Variants in PSD3 observed in about 807,000 individuals in gnomAD.
PSD3 encodes PH and SEC7 domain-containing protein 3.
A neutral mutation model predicts 105.5 loss-of-function variants in PSD3; 49 were observed. The ratio of observed to expected loss-of-function variants is 0.46; its 90% CI spans 0.37 to 0.59. The LOEUF is 0.59. PSD3 is among the 20% of genes least tolerant of loss of function. The probability of loss-of-function intolerance (pLI) is 0.00; values close to 1 mark genes in which losing one functional copy is unlikely to be tolerated. For synonymous variants in PSD3, 557 were observed against 457.8 expected, an observed-to-expected ratio of 1.22 and a Z score of -2.77; for missense variants, 1,561 against 1,263.8, an observed-to-expected ratio of 1.24 and a Z score of -3.57.
intron 9 of PSD3, among the ~76,000 whole-genome samples, chr8:18,725,424 A>C (rs1803279760): frequency 6.6e-6 from 1 of 152,156 alleles, no homozygotes; most frequent in Non-Finnish European, 1.5e-5. Context: ...AAAGTATTCC[A>C]ATCCCACTTT....
At chr8:18,986,693 G>A (rs1325741627) in intron 1 of PSD3, among the ~76,000 whole-genome samples, 1 of 151,680 alleles carries the variant, frequency 6.6e-6, no homozygotes, top group Non-Finnish European at 1.5e-5. Context: ...TTCACTTATC[G>A]CTGAATGCCC....
intron 4 of PSD3, among the ~76,000 whole-genome samples, chr8:18,811,154 G>GC (rs1811646596): frequency 6.6e-6 from 1 of 152,192 alleles, no homozygotes; most frequent in Non-Finnish European, 1.5e-5. Flanking sequence ...CTATGTGCCA[G>GC]CCTCTGGGCT....
intron 2 of PSD3, among the ~76,000 whole-genome samples, chr8:18,893,319 G>C (rs1307432855): frequency 1.3e-5 from 2 of 152,140 alleles, no homozygotes; most frequent in Non-Finnish European, 2.9e-5. Flanking sequence ...GCAAGAGCAA[G>C]TTCTGGGAGT....
chr8:19,037,250 G>C (rs1306007735), intron 1 of PSD3, among the ~76,000 whole-genome samples: 6 of 152,240 alleles, frequency 3.9e-5, no homozygotes, highest in African/African-American at 1.4e-4. Flanking sequence ...AAGATGCCGA[G>C]AGCCACCAGT....
chr8:18,599,918 G>A (rs952237249), intron 12 of PSD3, among the ~76,000 whole-genome samples: 1 of 152,144 alleles, frequency 6.6e-6, no homozygotes, highest in African/African-American at 2.4e-5. Flanking sequence ...GTCACAGTAA[G>A]AGATTAACCA....
intron 9 of PSD3, among the ~76,000 whole-genome samples, chr8:18,747,734 A>G (rs190877669): frequency 2.0e-5 from 3 of 152,220 alleles, no homozygotes; most frequent in East Asian, 1.9e-4. Flanking sequence ...TAACTACTAT[A>G]TGAATTACAT....
chr8:18,911,282 T>C (rs529774808), intron 2 of PSD3, among the ~76,000 whole-genome samples: 1 of 152,318 alleles, frequency 6.6e-6, no homozygotes, highest in Non-Finnish European at 1.5e-5. Flanking sequence ...TTAAATAATG[T>C]ATTCAATACT....
chr8:18,615,624 T>A (rs573981825), intron 11 of PSD3, among the ~76,000 whole-genome samples: 1 of 152,244 alleles, frequency 6.6e-6, no homozygotes, highest in Non-Finnish European at 1.5e-5. Context: ...AAATCAAGCA[T>A]ACTATGATTT....
At chr8:18,879,591 C>CA (rs1563378679) in intron 2 of PSD3, among the ~76,000 whole-genome samples, 2 of 145,994 alleles carry the variant, frequency 1.4e-5, no homozygotes, top group East Asian at 2.6e-4. Flanking sequence ...TTCATCATTG[C>CA]TTTTTTTTTC....
At chr8:18,608,707 T>C (rs757199968) in intron 11 of PSD3, among the ~76,000 whole-genome samples, 8 of 152,210 alleles carry the variant, frequency 5.3e-5, no homozygotes, top group Non-Finnish European at 8.8e-5. Context: ...AAGAGGAAGA[T>C]ATAAAATATT....
intron 1 of PSD3, among the ~76,000 whole-genome samples, chr8:19,040,432 C>T (rs923041409): frequency 3.9e-5 from 6 of 152,142 alleles, no homozygotes; most frequent in Non-Finnish European, 5.9e-5. Flanking sequence ...TCTCGAACTC[C>T]TGCGCTCAAG....
At chr8:18,804,304 G>A (rs527706701) in intron 6 of PSD3, 2 of 414,296 alleles carry the variant, frequency 4.8e-6, no homozygotes, top group East Asian at 3.8e-5. Context: ...TCAGATTTGG[G>A]ATGTTCACTT....
intron 9 of PSD3, among the ~76,000 whole-genome samples, chr8:18,655,979 C>T (rs1472880324): frequency 6.6e-6 from 1 of 152,192 alleles, no homozygotes; most frequent in Non-Finnish European, 1.5e-5. Flanking sequence ...ATTAAAATTA[C>T]ACTGTGCATG....
chr8:18,914,199 G>GAAA lies in PSD3; in HGVS notation c.130+21832_130+21834dup, dbSNP rs60489138. Among the ~76,000 whole-genome samples, 78 of 138,128 alleles carry GAAA rather than the reference G, an allele frequency of 5.6e-4. 2 individuals carry two copies. The highest frequency in any genetic ancestry group is 3.7e-3 in the Middle Eastern group (1 of 270). The allele number at this position is 138,128 out of a possible 152,430, so 90.6% of individuals were successfully genotyped here. Reference sequence around the variant, plus strand: ...AAATTCAACACCCTTTCATGATAAAGAAAAAAAAAAAAAACACCTTTCAAC... The same window carrying GAAA: ...AAATTCAACACCCTTTCATGATAAAGAAAAAAAAAAAAAAAAACACCTTTCAAC... On this transcript the variant is annotated intron_variant, in intron 2 of 15. Coordinates refer to ENST00000327040, the MANE Select transcript of PSD3 (RefSeq NM_015310.4).
intron 9 of PSD3, among the ~76,000 whole-genome samples, chr8:18,670,329 G>C (rs920793136): frequency 2.6e-5 from 4 of 152,208 alleles, no homozygotes; most frequent in African/African-American, 9.6e-5. Context: ...AACCAGAAAA[G>C]TTAGAGGTTT....
intron 9 of PSD3, among the ~76,000 whole-genome samples, chr8:18,702,833 C>T (rs1462944655): frequency 2.6e-5 from 4 of 151,872 alleles, no homozygotes; most frequent in East Asian, 3.9e-4. Context: ...GGGATGGTCT[C>T]GATCTCCTGA....
intron 9 of PSD3, among the ~76,000 whole-genome samples, chr8:18,691,591 T>G (rs548685476): frequency 2.0e-5 from 3 of 152,390 alleles, no homozygotes; most frequent in Non-Finnish European, 2.9e-5. Context: ...AAATGCTATT[T>G]CACAGCCTCC....
chr8:18,910,811 T>C (rs957270984), intron 2 of PSD3, among the ~76,000 whole-genome samples: 9 of 151,756 alleles, frequency 5.9e-5, no homozygotes, highest in Non-Finnish European at 1.0e-4. Flanking sequence ...TGTTTTATTT[T>C]AACAAAGAAA....
chr8:18,591,185 A>C (rs1803577365), intron 12 of PSD3, among the ~76,000 whole-genome samples: 1 of 152,140 alleles, frequency 6.6e-6, no homozygotes, highest in Non-Finnish European at 1.5e-5. Context: ...ATTTCATCTT[A>C]CCCACATCAA....
Sources: gnomAD v4.1 joint callset for allele counts (sites outside exome capture counted in the v4.1 genomes callset) on GRCh38, gnomAD v4.1.1 for gene constraint, MANE v1.5 for transcripts, NCBI Gene and HGNC (gene_info 2026-07-23, HGNC 2026-07-21) for gene names.